Variants in RGL1 observed in about 807,000 individuals in gnomAD.
The protein encoded by RGL1 is ral guanine nucleotide dissociation stimulator-like 1.
A neutral mutation model predicts 95.2 loss-of-function variants in RGL1; 24 were observed. The observed-to-expected ratio is 0.25, with a 90% CI of 0.18 to 0.35. The LOEUF (loss-of-function observed/expected upper bound fraction) is 0.35. Among genes scored for constraint, RGL1 ranks in the 10% least tolerant of loss-of-function variants. RGL1 has a pLI of 1.00. For synonymous variants in RGL1, 329 were observed against 344.9 expected, an observed-to-expected ratio of 0.95 and a Z score of 0.51; for missense variants, 715 against 936.3, an observed-to-expected ratio of 0.76 and a Z score of 3.08.
intron 1 of RGL1, among the ~76,000 whole-genome samples, chr1:183,740,340 G>A (rs1377712149): frequency 2.0e-5 from 3 of 152,144 alleles, no homozygotes; most frequent in Admixed American, 6.5e-5. Flanking sequence ...AGTACTTCAC[G>A]ATGGTTTTGG....
intron 2 of RGL1, among the ~76,000 whole-genome samples, chr1:183,757,367 C>T (rs775685390): frequency 2.6e-5 from 4 of 152,136 alleles, no homozygotes; most frequent in Non-Finnish European, 4.4e-5. Flanking sequence ...GCAATTTAGG[C>T]AAGCAGTGGG....
chr1:183,818,310 A>G (rs1662222794), intron 2 of RGL1, among the ~76,000 whole-genome samples: 1 of 152,194 alleles, frequency 6.6e-6, no homozygotes, highest in African/African-American at 2.4e-5. Context: ...TCCTATTCTT[A>G]GTAGAGAATC....
In RGL1 at chr1:183,712,080, G is replaced by A. The variant is rs138561868; in HGVS notation, c.-32-30046G>A. Among the ~76,000 whole-genome samples, 10 of 152,306 alleles carry A rather than the reference G, an allele frequency of 6.6e-5. No individual in the cohort carries two copies. The East Asian group carries it at 1.9e-3, about 29-fold the overall frequency. The stretch of plus-strand genomic sequence containing the variant: ...TCCAAATTTGAAGAGCCATGGAAAT[G>A]AGAAAAATAATTACTAAGAGACCCA... On this transcript the variant is annotated intron_variant, in intron 1 of 18. Transcript: ENST00000304685.
intron 2 of RGL1, among the ~76,000 whole-genome samples, chr1:183,753,383 A>G (rs1344138775): frequency 1.3e-5 from 2 of 152,102 alleles, no homozygotes; most frequent in Admixed American, 6.5e-5. Context: ...TTTTCAAGAC[A>G]TATTTGTCAA....
chr1:183,637,301 T>C (rs921883514), intron 1 of RGL1, among the ~76,000 whole-genome samples: 19 of 152,356 alleles, frequency 1.2e-4, no homozygotes, highest in African/African-American at 4.6e-4. Flanking sequence ...CTAGAAGAGA[T>C]GGAAAGATTC....
chr1:183,746,907 T>C (rs1327048522), intron 2 of RGL1, among the ~76,000 whole-genome samples: 2 of 152,164 alleles, frequency 1.3e-5, no homozygotes, highest in Admixed American at 1.3e-4. Flanking sequence ...ATGCAGTGTT[T>C]GGTTTTCTGT....
At chr1:183,653,309 A>G (rs1464725570) in intron 1 of RGL1, 1 of 152,252 alleles carries the variant, frequency 6.6e-6, no homozygotes, top group Admixed American at 6.5e-5. Context: ...ACCTCTAAGA[A>G]CACTGTTGAT....
chr1:183,878,192 C>CTATG (rs2102630359), intron 4 of RGL1, among the ~76,000 whole-genome samples: 1 of 151,714 alleles, frequency 6.6e-6, no homozygotes, highest in African/African-American at 2.4e-5. Flanking sequence ...ATCTATCTAT[C>CTATG]TATCTGTCTA....
chr1:183,820,975 C>G (rs950890476), intron 2 of RGL1, among the ~76,000 whole-genome samples: 1 of 151,652 alleles, frequency 6.6e-6, no homozygotes, highest in African/African-American at 2.4e-5. Flanking sequence ...TCTACTAAAA[C>G]TACAAAAATT....
chr1:183,741,868 C>G (rs1299225225), intron 1 of RGL1, among the ~76,000 whole-genome samples: 1 of 152,178 alleles, frequency 6.6e-6, no homozygotes, highest in Non-Finnish European at 1.5e-5. Context: ...GTATAACAGG[C>G]AGATGATGGC....
intron 2 of RGL1, among the ~76,000 whole-genome samples, chr1:183,746,196 T>A (rs1345375477): frequency 6.6e-6 from 1 of 152,120 alleles, no homozygotes; most frequent in Non-Finnish European, 1.5e-5. Flanking sequence ...TCACCTACTA[T>A]CTCTTTGATT....
chr1:183,736,179 G>A (rs1394391294), intron 1 of RGL1, among the ~76,000 whole-genome samples: 23 of 152,218 alleles, frequency 1.5e-4, no homozygotes, highest in Admixed American at 1.5e-3. Context: ...TGACTTTTGA[G>A]TAGTGAATGC....
chr1:183,880,267 T>C (rs1298080171), intron 4 of RGL1, among the ~76,000 whole-genome samples: 1 of 152,228 alleles, frequency 6.6e-6, no homozygotes, highest in Admixed American at 6.5e-5. Context: ...CATAATCTTA[T>C]TGTGTACAGA....
At chr1:183,849,053 A>G (rs1664637152) in intron 3 of RGL1, among the ~76,000 whole-genome samples, 1 of 152,044 alleles carries the variant, frequency 6.6e-6, no homozygotes, top group Non-Finnish European at 1.5e-5. Context: ...ATCACAGTAC[A>G]TAGTCTGTTC....
chr1:183,680,573 A>G, intron 1 of RGL1, among the ~76,000 whole-genome samples: 1 of 152,082 alleles, frequency 6.6e-6, no homozygotes, highest in Admixed American at 6.5e-5. Flanking sequence ...TGTTTTGGTT[A>G]CTATAGCCTT....
At chr1:183,720,052 C>T (rs538086013) in intron 1 of RGL1, among the ~76,000 whole-genome samples, 4 of 152,070 alleles carry the variant, frequency 2.6e-5, no homozygotes, top group African/African-American at 4.8e-5. Context: ...ATTAAAGAAA[C>T]TGGAAGATGA....
intron 2 of RGL1, among the ~76,000 whole-genome samples, chr1:183,820,249 G>A (rs1395392645): frequency 1.3e-5 from 2 of 152,050 alleles, no homozygotes; most frequent in African/African-American, 2.4e-5. Flanking sequence ...GTTTGTGATA[G>A]GCAGGAAATA....
At chr1:183,823,139 A>G (rs1048320119) in intron 2 of RGL1, among the ~76,000 whole-genome samples, 2 of 152,198 alleles carry the variant, frequency 1.3e-5, no homozygotes, top group African/African-American at 2.4e-5. Context: ...CACCAGTTTT[A>G]TAAGTTAAAA....
intron 1 of RGL1, among the ~76,000 whole-genome samples, chr1:183,692,625 C>T (rs749907793): frequency 8.4e-4 from 128 of 152,180 alleles, no homozygotes; most frequent in Admixed American, 1.8e-3. Flanking sequence ...ATTTTGAATA[C>T]ATTTTGCTAT....
Sources: gnomAD v4.1 joint callset for allele counts (sites outside exome capture counted in the v4.1 genomes callset) on GRCh38, gnomAD v4.1.1 for gene constraint, MANE v1.5 for transcripts, NCBI Gene and HGNC (gene_info 2026-07-23, HGNC 2026-07-21) for gene names.